The following GRID2 variants were observed in gnomAD, a reference collection of about 807,000 sequenced individuals.
The protein encoded by GRID2 is glutamate ionotropic receptor delta type subunit 2.
GRID2 carries 33 observed loss-of-function variants against 114.8 expected under a neutral mutation model. The ratio of observed to expected loss-of-function variants is 0.29; its 90% CI spans 0.22 to 0.38. The LOEUF is 0.38. Ranked by LOEUF, GRID2 falls within the 10% of genes least tolerant of loss-of-function variation. GRID2 has a pLI of 1.00. For synonymous variants in GRID2, 505 were observed against 449.9 expected (o/e 1.12, Z -1.55); for missense variants, 1,184 against 1,257.7 (o/e 0.94, Z 0.89).
chr4:92,320,965 TATAAA>T (rs1726282581), intron 1 of GRID2, among the ~76,000 whole-genome samples: 1 of 152,184 alleles, frequency 6.6e-6, no homozygotes, highest in South Asian at 2.1e-4. Context: ...GGTTGTCAAA[TATAAA>T]ATAAAAAGAT....
intron 1 of GRID2, among the ~76,000 whole-genome samples, chr4:92,418,897 C>G (rs1341903129): frequency 2.0e-5 from 3 of 152,002 alleles, no homozygotes; most frequent in African/African-American, 7.3e-5. Flanking sequence ...TTACTTCTTA[C>G]TCAGTGCTCT....
At chr4:93,745,226 G>A (rs559862258) in intron 14 of GRID2, among the ~76,000 whole-genome samples, 1 of 151,830 alleles carries the variant, frequency 6.6e-6, no homozygotes, top group Admixed American at 6.6e-5. Flanking sequence ...GGTTTTCTGG[G>A]GAAAAAATAA....
chr4:93,017,044 A>G (rs1286324408), intron 2 of GRID2, among the ~76,000 whole-genome samples: 2 of 152,184 alleles, frequency 1.3e-5, no homozygotes, highest in Admixed American at 1.3e-4. Flanking sequence ...AAAAACTGAA[A>G]ATTATCAATA....
At chr4:93,319,082 A>T (rs527941981) in intron 8 of GRID2, among the ~76,000 whole-genome samples, 1 of 152,182 alleles carries the variant, frequency 6.6e-6, no homozygotes, top group South Asian at 2.1e-4. Context: ...AGGGATGCTA[A>T]TCATTGGTTC....
intron 4 of GRID2, among the ~76,000 whole-genome samples, chr4:93,162,067 T>C (rs1289702572): frequency 6.6e-6 from 1 of 151,822 alleles, no homozygotes; most frequent in Non-Finnish European, 1.5e-5. Flanking sequence ...AACAGGCCAG[T>C]TGAGGTTTTT....
chr4:93,674,641 C>G (rs897002805), intron 14 of GRID2, among the ~76,000 whole-genome samples: 1 of 151,228 alleles, frequency 6.6e-6, no homozygotes, highest in African/African-American at 2.4e-5. Flanking sequence ...CTTTAAATAT[C>G]ATAAGGCCCA....
At chr4:92,977,632 T>C (rs1753955399) in intron 2 of GRID2, among the ~76,000 whole-genome samples, 1 of 152,142 alleles carries the variant, frequency 6.6e-6, no homozygotes, top group African/African-American at 2.4e-5. Flanking sequence ...GAATCAATTG[T>C]AGGAAGCAGG....
At chr4:93,505,429 G>A (rs1332486096) in intron 12 of GRID2, among the ~76,000 whole-genome samples, 1 of 151,506 alleles carries the variant, frequency 6.6e-6, no homozygotes, top group Non-Finnish European at 1.5e-5. Flanking sequence ...GGATAATTTT[G>A]TATTTCTTCC....
chr4:92,729,260 T>C (rs1164507819), intron 2 of GRID2, among the ~76,000 whole-genome samples: 1 of 152,052 alleles, frequency 6.6e-6, no homozygotes, highest in Non-Finnish European at 1.5e-5. Flanking sequence ...GGACACATCA[T>C]TTTGTTTCTT....
chr4:93,169,889 G>T (rs1738629692), intron 4 of GRID2, among the ~76,000 whole-genome samples: 1 of 152,084 alleles, frequency 6.6e-6, no homozygotes, highest in Non-Finnish European at 1.5e-5. Context: ...CTCACTGAAG[G>T]AATCAAGTGA....
chr4:92,311,301 A>C (rs1161106111), intron 1 of GRID2, among the ~76,000 whole-genome samples: 1 of 152,022 alleles, frequency 6.6e-6, no homozygotes, highest in Non-Finnish European at 1.5e-5. Context: ...GTTCTTCACT[A>C]TCCTGGACTC....
chr4:93,490,672 G>A lies in GRID2; in HGVS notation c.1892G>A (p.Arg631Gln), dbSNP rs768214690. The change falls in exon 12 of 16, where the codon CGA becomes CAA. Residue 631 changes from arginine to glutamine, a missense_variant. Arg to Gln is a conservative substitution (Grantham distance 43). Transcript: ENST00000282020. ...GEVPYTTLAT[R>Q]MMMGAWWLFA... ...GTCCCGTACACGACTCTGGCTACCC[G>A]AATGATGATGGGGGCTTGGTGGCTA... 6.2e-6 allele frequency: 10 copies of A among 1,610,582 alleles called. No individual in the cohort carries two copies. In the East Asian group the frequency reaches 1.8e-4, roughly 29 times the overall value.
Position 92,704,720 on chromosome 4 carries a change from T to G in GRID2, c.244+114434T>G, listed in dbSNP as rs1269272301. On this transcript the variant is annotated intron_variant, in intron 2 of 15. Transcript: ENST00000282020. ...CAATCAATCTCTCTCTCTCTCTCTC[T>G]CTTTCTCTCTCTCTCTCTCTCTCTC... 2.1e-5 allele frequency among the ~76,000 whole-genome samples: 3 copies of G among 143,526 alleles called. No homozygotes were observed. In the East Asian group the frequency reaches 6.7e-4, roughly 32 times the overall value. 94.2% of individuals were successfully genotyped at this position (143,526 alleles called of 152,430 possible). A position where few individuals can be genotyped will look rare whatever the true frequency, so the allele number is the denominator to read the frequency against.
chr4:93,638,299 A>ATTTTTTTTTTTTT (rs1446023634), intron 14 of GRID2, among the ~76,000 whole-genome samples: 2 of 84,138 alleles, frequency 2.4e-5, no homozygotes, highest in Non-Finnish European at 4.9e-5. Context: ...TAAAACTTGC[A>ATTTTTTTTTTTTT]TCTTTTTTTT....
chr4:93,614,832 C>G (rs1268098005), intron 13 of GRID2, among the ~76,000 whole-genome samples: 42 of 152,216 alleles, frequency 2.8e-4, no homozygotes, highest in Admixed American at 2.7e-3. Context: ...TACTACAGGA[C>G]TAATTTAACA....
At chr4:92,950,576 C>A (rs1318470627) in intron 2 of GRID2, among the ~76,000 whole-genome samples, 1 of 152,120 alleles carries the variant, frequency 6.6e-6, no homozygotes, top group African/African-American at 2.4e-5. Context: ...CTACTTCAGT[C>A]CCAGAAGAAA....
intron 2 of GRID2, among the ~76,000 whole-genome samples, chr4:92,830,704 A>T (rs552776530): frequency 1.3e-5 from 2 of 152,292 alleles, no homozygotes; most frequent in South Asian, 4.1e-4. Flanking sequence ...GATTCTTCAT[A>T]GTTTTATTTT....
chr4:93,418,515 A>G (rs953732526), intron 9 of GRID2, among the ~76,000 whole-genome samples: 4 of 152,076 alleles, frequency 2.6e-5, no homozygotes, highest in African/African-American at 9.7e-5. Flanking sequence ...TTCAAACACA[A>G]TAAACATAAT....
chr4:92,954,226 TACAC>T (rs1286121246), intron 2 of GRID2, among the ~76,000 whole-genome samples: 2 of 151,802 alleles, frequency 1.3e-5, no homozygotes, highest in East Asian at 1.9e-4. Flanking sequence ...CACAAACATA[TACAC>T]ACACATATAT....
Sources: allele counts gnomAD v4.1 joint callset (sites outside exome capture counted in the v4.1 genomes callset), GRCh38; gene constraint gnomAD v4.1.1; transcripts MANE v1.5; gene names NCBI Gene and HGNC (gene_info 2026-07-23, HGNC 2026-07-21).